Variants in LIN7C observed in about 807,000 individuals in gnomAD.
The protein encoded by LIN7C is lin-7 cell polarity scaffold C, also known as protein lin-7 homolog C.
A neutral mutation model predicts 24.7 loss-of-function variants in LIN7C; 17 were observed. The observed-to-expected ratio is 0.69, with a 90% CI of 0.47 to 1.03. LIN7C has a LOEUF of 1.03. LIN7C is among the 50% of genes least tolerant of loss of function. The probability of loss-of-function intolerance (pLI) is 0.00; values close to 1 mark genes in which losing one functional copy is unlikely to be tolerated. For missense variants in LIN7C, 204 were observed against 239.0 expected (o/e 0.85, Z 0.97); for synonymous variants, 90 against 83.4 (o/e 1.08, Z -0.43).
chr11:27,498,909 G>A, intron 4 of LIN7C, 105 bp from the exon 5 acceptor site: 1 of 944,132 alleles, frequency 1.1e-6, no homozygotes, highest in South Asian at 1.5e-5. Context: ...AAGTTTTAAT[G>A]TTATATTATT....
In LIN7C at chr11:27,496,847, C is replaced by G. The variant is rs1467982417; in HGVS notation, c.*1802G>C. ...TAAGATTTCTTCAGGGTTTACTTAC[C>G]CTGAAATGCAAGAATACAAGCATAA... On this transcript the variant is annotated 3_prime_UTR_variant, in exon 5 of 5. Coordinates refer to ENST00000278193, the MANE Select transcript of LIN7C (RefSeq NM_018362.4). 6.6e-6 allele frequency: 1 copy of G among 152,242 alleles called. No homozygotes were observed. Among genetic ancestry groups the G allele is most frequent in the Non-Finnish European group, 1.5e-5 (1 of 67,976 alleles). The allele number at this position is 152,242 out of a possible 1,614,324, so 9.4% of individuals were successfully genotyped here.
At chr11:27,506,264 A>G (rs1461369832) in intron 1 of LIN7C, among the ~76,000 whole-genome samples, 1 of 152,226 alleles carries the variant, frequency 6.6e-6, no homozygotes, top group Non-Finnish European at 1.5e-5. Flanking sequence ...GGAGAAAGTA[A>G]TGAAGGAGTT....
intron 1 of LIN7C, among the ~76,000 whole-genome samples, chr11:27,502,327 AATT>A (rs1385155626): frequency 6.6e-6 from 1 of 152,178 alleles, no homozygotes; most frequent in Non-Finnish European, 1.5e-5. Flanking sequence ...AAATTTACCT[AATT>A]ATTATTAGTA....
At chr11:27,504,739 A>T (rs1049134177) in intron 1 of LIN7C, among the ~76,000 whole-genome samples, 5 of 152,198 alleles carry the variant, frequency 3.3e-5, no homozygotes, top group South Asian at 2.1e-4. Context: ...TAATCTCTAG[A>T]TTACTTACAA....
At chr11:27,502,229 G>A (rs772106730) in intron 1 of LIN7C, among the ~76,000 whole-genome samples, 3 of 152,172 alleles carry the variant, frequency 2.0e-5, no homozygotes, top group Non-Finnish European at 4.4e-5. Context: ...AAATGTCATC[G>A]GAAAGGACTG....
rs1209939756 is a variant in LIN7C at position 27,496,093 on chromosome 11, T to C, written c.*2556A>G. 2 of 150,702 alleles carry C rather than the reference T, an allele frequency of 1.3e-5. No homozygotes were observed. Among genetic ancestry groups the C allele is most frequent in the Non-Finnish European group, 1.5e-5 (1 of 67,836 alleles). The allele number at this position is 150,702 out of a possible 1,614,324, so 9.3% of individuals were successfully genotyped here. A position where few individuals can be genotyped will look rare whatever the true frequency, so the allele number is the denominator to read the frequency against. The stretch of plus-strand genomic sequence containing the variant: ...TACTTCCTAAGAGTGTCCAGTGTAA[T>C]CAGATCATTTTATAATGGGTTATTG... On this transcript the variant is annotated 3_prime_UTR_variant, in exon 5 of 5. Coordinates refer to ENST00000278193, the MANE Select transcript of LIN7C (RefSeq NM_018362.4).
At chr11:27,506,022 C>T (rs1157021639) in intron 1 of LIN7C, among the ~76,000 whole-genome samples, 1 of 152,168 alleles carries the variant, frequency 6.6e-6, no homozygotes, top group Admixed American at 6.5e-5. Context: ...TTTTATTTTC[C>T]TTGACAGTCT....
rs1865153254 is a variant in LIN7C at position 27,495,308 on chromosome 11, A to G, written c.*3341T>C. On this transcript the variant is annotated 3_prime_UTR_variant, in exon 5 of 5. Coordinates refer to ENST00000278193, the MANE Select transcript of LIN7C (RefSeq NM_018362.4). The stretch of plus-strand genomic sequence containing the variant: ...CGGTGAAACCCCGTCTCTACTAAAA[A>G]TACAAAAAAATTAGCCGGGAGAGGT... The G allele has an allele frequency of 6.6e-6, 1 of 152,318 alleles. No homozygotes were observed. The highest frequency in any genetic ancestry group is 2.1e-4 in the South Asian group (1 of 4,832). The allele number at this position is 152,318 out of a possible 1,614,324, so 9.4% of individuals were successfully genotyped here. A position where few individuals can be genotyped will look rare whatever the true frequency, so the allele number is the denominator to read the frequency against.
intron 1 of LIN7C, among the ~76,000 whole-genome samples, chr11:27,504,068 T>G (rs1865249734): frequency 6.6e-6 from 1 of 152,172 alleles, no homozygotes; most frequent in Non-Finnish European, 1.5e-5. Flanking sequence ...TCTGCTTGCC[T>G]CGGCCTCCCA....
In LIN7C at chr11:27,506,694, G is replaced by A. The variant is rs1215894004; in HGVS notation, c.37+22C>T. 8 of 1,613,234 alleles carry A rather than the reference G, an allele frequency of 5.0e-6. No homozygotes were observed. The African/African-American group carries it at 8.0e-5, about 16-fold the overall frequency. ...TCCCCCAACCCTTCCGCCCACCTCC[G>A]CCGAGCCTCGGCTGCACTCACCTCT... On this transcript the variant is annotated intron_variant, in intron 1 of 4. Transcript: ENST00000278193.
At position 27,498,566 on chromosome 11, in the gene LIN7C, C is replaced by T; in HGVS notation, c.*83G>A. On this transcript the variant is annotated 3_prime_UTR_variant, in exon 5 of 5. Coordinates refer to ENST00000278193, the MANE Select transcript of LIN7C (RefSeq NM_018362.4). Reference sequence around the variant, plus strand: ...ATAAATTTGTTTGTTTTCTTACAATCATTGGCATTGCAGCCATTAGTAAGT... The same window carrying T: ...ATAAATTTGTTTGTTTTCTTACAATTATTGGCATTGCAGCCATTAGTAAGT... 1 of 1,222,606 alleles carries T rather than the reference C, an allele frequency of 8.2e-7. No homozygotes were observed. Among genetic ancestry groups the T allele is most frequent in the Non-Finnish European group, 1.2e-6 (1 of 857,338 alleles). The allele number at this position is 1,222,606 out of a possible 1,614,324, so 75.7% of individuals were successfully genotyped here.
At position 27,499,349 on chromosome 11, in the gene LIN7C, T is replaced by G; in HGVS notation, c.438+10A>C. ...AGATCACTACAAATAGAAATAAAATTCATCCTTACCACTCCATTAACAGAG... is the reference window on the plus strand; with the variant it reads ...AGATCACTACAAATAGAAATAAAATGCATCCTTACCACTCCATTAACAGAG... On this transcript the variant is annotated intron_variant, in intron 4 of 4. Coordinates refer to ENST00000278193, the MANE Select transcript of LIN7C (RefSeq NM_018362.4). 1 of 1,611,038 alleles carries G rather than the reference T, an allele frequency of 6.2e-7. No homozygotes were observed. Among genetic ancestry groups the G allele is most frequent in the South Asian group, 1.1e-5 (1 of 90,980 alleles).
chr11:27,506,272 G>C (rs910434665), intron 1 of LIN7C, among the ~76,000 whole-genome samples: 2 of 152,230 alleles, frequency 1.3e-5, no homozygotes, highest in African/African-American at 4.8e-5. Flanking sequence ...TAATGAAGGA[G>C]TTTGTGTGCA....
In LIN7C at chr11:27,501,891, T is replaced by C. The variant is rs778228193; in HGVS notation, c.67A>G (p.Lys23Glu). The change falls in exon 2 of 5, where the codon AAA becomes GAA. Residue 23 changes from lysine to glutamate, a missense_variant. Physicochemically the swap from Lys to Glu is moderately conservative, Grantham distance 56. This residue lies in a region of LIN7C where 126 missense variants were observed against 117.8 expected (regional missense o/e 1.07). Coordinates refer to ENST00000278193, the MANE Select transcript of LIN7C (RefSeq NM_018362.4). ...GGTACTTCTCCACTCCTTTGTAGTT[T>C]TTCCAATAATTCAATTGCTCTACAA... ...DICRAIELLE[K>E]LQRSGEVPPQ... 1.2e-6 allele frequency: 2 copies of C among 1,609,600 alleles called. No homozygotes were observed. The highest frequency in any genetic ancestry group is 1.7e-6 in the Non-Finnish European group (2 of 1,176,116).
At chr11:27,501,771 A>AT (rs1421872945) in intron 2 of LIN7C, 31 bp downstream of exon 2, 9 of 1,427,502 alleles carry the variant, frequency 6.3e-6, no homozygotes, top group Non-Finnish European at 8.8e-6. Flanking sequence ...ATTAACTCAA[A>AT]TTTTTGTAAA....
intron 3 of LIN7C, among the ~76,000 whole-genome samples, chr11:27,500,958 C>G (rs1865218818): frequency 6.6e-6 from 1 of 152,130 alleles, no homozygotes; most frequent in African/African-American, 2.4e-5. Flanking sequence ...CCTGTTCAAA[C>G]CCCCTATCAT....
At chr11:27,503,642 T>C (rs1865246221) in intron 1 of LIN7C, among the ~76,000 whole-genome samples, 1 of 151,864 alleles carries the variant, frequency 6.6e-6, no homozygotes, top group African/African-American at 2.4e-5. Context: ...GCCTCCTGAG[T>C]AGCTGGGATT....
chr11:27,496,329 A>G lies in LIN7C; in HGVS notation c.*2320T>C, dbSNP rs148657140. ...ATGGGGGTGATAATTTATATTTGTA[A>G]TTTACAAATCAAACATCTATCATAC... On this transcript the variant is annotated 3_prime_UTR_variant, in exon 5 of 5. Coordinates refer to ENST00000278193, the MANE Select transcript of LIN7C (RefSeq NM_018362.4). 7.9e-5 allele frequency: 12 copies of G among 152,288 alleles called. No homozygotes were observed. The highest frequency in any genetic ancestry group is 1.3e-4 in the Non-Finnish European group (9 of 68,024). The allele number at this position is 152,288 out of a possible 1,614,324, so 9.4% of individuals were successfully genotyped here.
At position 27,506,734 on chromosome 11, in the gene LIN7C, G is replaced by C. The variant is rs756959241; in HGVS notation, c.19C>G (p.Pro7Ala). The C allele has an allele frequency of 3.7e-6, 6 of 1,613,960 alleles. No homozygotes were observed. Among genetic ancestry groups the C allele is most frequent in the Non-Finnish European group, 5.1e-6 (6 of 1,180,028 alleles). The change falls in exon 1 of 5, where the codon CCC (proline) becomes GCC (alanine). Residue 7 changes from proline to alanine, a missense_variant. Pro to Ala is a conservative substitution (Grantham distance 27). Transcript: ENST00000278193. ...CACTCACCTCTCTCCAGCCGCACGG[G>C]TTCCCCTAGCGCCGCCATCTTCTCC... MAALGE[P>A]VRLERDICRA...
Sources: allele counts gnomAD v4.1 joint callset (sites outside exome capture counted in the v4.1 genomes callset), GRCh38; gene constraint gnomAD v4.1.1; regional missense constraint gnomAD v4.1.1; transcripts MANE v1.5; gene names NCBI Gene and HGNC (gene_info 2026-07-23, HGNC 2026-07-21).